Variants in SGCZ observed in about 807,000 individuals in gnomAD.
The protein encoded by SGCZ is sarcoglycan zeta.
SGCZ carries 40 observed loss-of-function variants against 41.3 expected under a neutral mutation model. The observed-to-expected ratio is 0.97, with a 90% CI of 0.75 to 1.26. SGCZ has a LOEUF of 1.26. Ranked by LOEUF, SGCZ falls within the 50% of genes most tolerant of loss-of-function variation. SGCZ has a pLI of 0.00. For missense variants in SGCZ, 552 were observed against 369.8 expected (o/e 1.49, Z -4.04); for synonymous variants, 206 against 137.5 (o/e 1.50, Z -3.49).
At chr8:15,097,899 T>TATATATATACGTGTGTGTATAG (rs1563124201) in intron 1 of SGCZ, among the ~76,000 whole-genome samples, 9 of 123,880 alleles carry the variant, frequency 7.3e-5, no homozygotes, top group South Asian at 2.7e-4. Flanking sequence ...TATATATATA[T>TATATATATACGTGTGTGTATAG]ATATATATAT....
At chr8:15,019,056 T>C (rs1480699) in intron 1 of SGCZ, among the ~76,000 whole-genome samples, 56,871 of 152,068 alleles carry the variant, frequency 0.37, 11,713 homozygotes, top group East Asian at 0.52. Flanking sequence ...CTCACTATCA[T>C]GAGAACAGCA....
chr8:14,788,120 T>C (rs369298550), intron 1 of SGCZ, among the ~76,000 whole-genome samples: 2 of 152,214 alleles, frequency 1.3e-5, no homozygotes, highest in East Asian at 3.9e-4. Flanking sequence ...TGTGATATCA[T>C]TACCTAAATA....
At chr8:14,557,034 G>A (rs548561280) in intron 1 of SGCZ, among the ~76,000 whole-genome samples, 17 of 152,072 alleles carry the variant, frequency 1.1e-4, no homozygotes, top group African/African-American at 4.1e-4. Flanking sequence ...GTTTGTACTA[G>A]TTTACATTCC....
chr8:15,151,674 G>A (rs1330363086), intron 1 of SGCZ, among the ~76,000 whole-genome samples: 8 of 152,200 alleles, frequency 5.3e-5, no homozygotes, highest in African/African-American at 7.2e-5. Context: ...CATACATAAA[G>A]AGCCAACTAT....
intron 1 of SGCZ, among the ~76,000 whole-genome samples, chr8:14,847,004 G>A (rs1214949798): frequency 2.6e-5 from 4 of 151,842 alleles, no homozygotes; most frequent in Non-Finnish European, 5.9e-5. Context: ...CCTGGGAGGC[G>A]GAGATTGCAG....
Position 15,059,390 on chromosome 8 carries a change from G to C in SGCZ, c.39+178195C>G, listed in dbSNP as rs184880325. On this transcript the variant is annotated intron_variant, in intron 1 of 7. Transcript: ENST00000382080. ...AAGAGCGGATATGTCATTAAAATAA[G>C]TTTACTTTTTAGTGAATAAATTTTC... Among the ~76,000 whole-genome samples the C allele has an allele frequency of 1.8e-4, 28 of 152,158 alleles. No homozygotes were observed. In the East Asian group the frequency reaches 5.0e-3, roughly 27 times the overall value.
chr8:14,709,073 G>C (rs899248314), intron 1 of SGCZ, among the ~76,000 whole-genome samples: 1 of 152,076 alleles, frequency 6.6e-6, no homozygotes, highest in Non-Finnish European at 1.5e-5. Flanking sequence ...GGTTAACAGT[G>C]AAGAAGAATA....
chr8:14,956,416 C>T (rs1358795793), intron 1 of SGCZ, among the ~76,000 whole-genome samples: 1 of 152,000 alleles, frequency 6.6e-6, no homozygotes, highest in Non-Finnish European at 1.5e-5. Flanking sequence ...AATCTCAGCT[C>T]TTTAGTATAT....
At chr8:14,902,625 T>A (rs775967217) in intron 1 of SGCZ, among the ~76,000 whole-genome samples, 3 of 152,282 alleles carry the variant, frequency 2.0e-5, no homozygotes, top group East Asian at 3.9e-4. Flanking sequence ...GTGAATACTA[T>A]GCCAGCCTCT....
chr8:14,953,193 G>A (rs1475349389), intron 1 of SGCZ, among the ~76,000 whole-genome samples: 2 of 152,148 alleles, frequency 1.3e-5, no homozygotes, highest in Non-Finnish European at 2.9e-5. Flanking sequence ...GGATGTATAG[G>A]AAGCATGGCT....
At chr8:14,476,858 C>A (rs1801376426) in intron 2 of SGCZ, among the ~76,000 whole-genome samples, 1 of 152,170 alleles carries the variant, frequency 6.6e-6, no homozygotes, top group African/African-American at 2.4e-5. Flanking sequence ...CAGTCCCCAA[C>A]CTCCTTTATA....
chr8:14,863,961 G>C (rs1319518059), intron 1 of SGCZ, among the ~76,000 whole-genome samples: 1 of 152,112 alleles, frequency 6.6e-6, no homozygotes, highest in Admixed American at 6.6e-5. Flanking sequence ...TAATTCCAAA[G>C]ACATTCAAGA....
intron 1 of SGCZ, among the ~76,000 whole-genome samples, chr8:14,702,694 T>C (rs1182228653): frequency 6.7e-6 from 1 of 149,652 alleles, no homozygotes; most frequent in Non-Finnish European, 1.5e-5. Flanking sequence ...TTCTCTCAAA[T>C]GCCAGTTCAT....
intron 2 of SGCZ, among the ~76,000 whole-genome samples, chr8:14,352,360 G>A (rs1422743349): frequency 6.6e-6 from 1 of 152,032 alleles, no homozygotes; most frequent in African/African-American, 2.4e-5. Context: ...TTTGTCTTGG[G>A]AGGAAAGGGC....
intron 4 of SGCZ, among the ~76,000 whole-genome samples, chr8:14,223,158 A>C (rs1337938766): frequency 6.6e-6 from 1 of 152,052 alleles, no homozygotes; most frequent in Non-Finnish European, 1.5e-5. Flanking sequence ...GAATTATCAC[A>C]GATATATGGT....
At chr8:14,192,139 G>T (rs1001203847) in intron 4 of SGCZ, among the ~76,000 whole-genome samples, 5 of 152,000 alleles carry the variant, frequency 3.3e-5, no homozygotes, top group Non-Finnish European at 5.9e-5. Flanking sequence ...CTGGTCAAGT[G>T]AAAATATTTC....
intron 1 of SGCZ, among the ~76,000 whole-genome samples, chr8:15,095,607 A>C (rs2131070599): frequency 6.6e-6 from 1 of 152,158 alleles, no homozygotes; most frequent in East Asian, 1.9e-4. Context: ...TTTTTTATGG[A>C]AAAGAAATAT....
At chr8:15,043,187 A>C (rs1804173786) in intron 1 of SGCZ, among the ~76,000 whole-genome samples, 1 of 152,156 alleles carries the variant, frequency 6.6e-6, no homozygotes, top group South Asian at 2.1e-4. Context: ...TCATTTCTTT[A>C]ATCAGCTAGT....
At chr8:15,158,518 T>C (rs1009207012) in intron 1 of SGCZ, among the ~76,000 whole-genome samples, 1 of 152,204 alleles carries the variant, frequency 6.6e-6, no homozygotes, top group Non-Finnish European at 1.5e-5. Context: ...TTTTCATGAG[T>C]AGTAAGAAGA....
Sources: gnomAD v4.1 joint callset for allele counts (sites outside exome capture counted in the v4.1 genomes callset) on GRCh38, gnomAD v4.1.1 for gene constraint, MANE v1.5 for transcripts, NCBI Gene and HGNC (gene_info 2026-07-23, HGNC 2026-07-21) for gene names.